The following CEP112 variants were observed in gnomAD, a reference collection of about 807,000 sequenced individuals.
CEP112 encodes centrosomal protein of 112 kDa.
Under a neutral mutation model 153.0 loss-of-function variants are expected in CEP112, and 127 were observed. That is an observed-to-expected ratio of 0.83 (90% CI 0.72 to 0.96). The LOEUF is 0.96. Among genes scored for constraint, CEP112 ranks in the 40% least tolerant of loss-of-function variants. CEP112 has a pLI of 0.00. For synonymous variants in CEP112, 358 were observed against 374.4 expected (o/e 0.96, Z 0.51); for missense variants, 1,089 against 1,101.2 (o/e 0.99, Z 0.16).
At chr17:65,914,775 T>G (rs2060412812) in intron 19 of CEP112, among the ~76,000 whole-genome samples, 1 of 152,218 alleles carries the variant, frequency 6.6e-6, no homozygotes, top group African/African-American at 2.4e-5. Flanking sequence ...TAAAAAAACT[T>G]TCCTTTGACC....
At chr17:65,673,113 G>A (rs1190325289) in intron 24 of CEP112, among the ~76,000 whole-genome samples, 3 of 152,164 alleles carry the variant, frequency 2.0e-5, no homozygotes, top group African/African-American at 7.2e-5. Context: ...CTCTTATCTG[G>A]AGGCTCTGGG....
At chr17:65,936,527 C>G (rs1380106186) in intron 18 of CEP112, among the ~76,000 whole-genome samples, 1 of 152,002 alleles carries the variant, frequency 6.6e-6, no homozygotes, top group Non-Finnish European at 1.5e-5. Flanking sequence ...CAATAAAATA[C>G]TAGCAATAAA....
chr17:65,763,452 T>C (rs900081537), intron 21 of CEP112, among the ~76,000 whole-genome samples: 2 of 151,986 alleles, frequency 1.3e-5, no homozygotes, highest in African/African-American at 4.8e-5. Flanking sequence ...TATGTGTACA[T>C]TACACCTTTT....
chr17:65,674,469 A>G (rs981732129), intron 24 of CEP112, among the ~76,000 whole-genome samples: 1 of 152,208 alleles, frequency 6.6e-6, no homozygotes, highest in African/African-American at 2.4e-5. Flanking sequence ...AAGCTGAACA[A>G]ATCTTTCTTT....
rs2045099336 is a variant in CEP112, at chr17:65,640,952, T to G, written c.2799+12A>C. Reference sequence around the variant, plus strand: ...CTAAATCCTTGGAAAATGCCTTGATTCTAGTAATTACCTGTGATTTTAGGG... The same window carrying G: ...CTAAATCCTTGGAAAATGCCTTGATGCTAGTAATTACCTGTGATTTTAGGG... On this transcript the variant is annotated intron_variant, in intron 25 of 26. Coordinates refer to ENST00000535342, the MANE Select transcript of CEP112 (RefSeq NM_001199165.4). The G allele has an allele frequency of 6.9e-7, 1 of 1,452,932 alleles. No homozygotes were observed. Among genetic ancestry groups the G allele is most frequent in the Admixed American group, 1.7e-5 (1 of 59,546 alleles). The allele number at this position is 1,452,932 out of a possible 1,614,324, so 90.0% of individuals were successfully genotyped here. A position where few individuals can be genotyped will look rare whatever the true frequency, so the allele number is the denominator to read the frequency against.
intron 24 of CEP112, among the ~76,000 whole-genome samples, chr17:65,683,644 G>C (rs532347222): frequency 1.3e-5 from 2 of 152,310 alleles, no homozygotes; most frequent in South Asian, 4.1e-4. Context: ...CCTGGTTAAA[G>C]ATCCTCTCCT....
At chr17:66,091,678 A>G (rs1350335310) in intron 8 of CEP112, among the ~76,000 whole-genome samples, 1 of 152,166 alleles carries the variant, frequency 6.6e-6, no homozygotes, top group African/African-American at 2.4e-5. Flanking sequence ...AGGAAATCAT[A>G]AAGATCAGAG....
At chr17:66,007,818 T>C (rs1261496932) in intron 16 of CEP112, among the ~76,000 whole-genome samples, 1 of 152,198 alleles carries the variant, frequency 6.6e-6, no homozygotes. Context: ...CTTATACATA[T>C]TCACCTCTCC....
At chr17:65,731,621 G>A (rs1386315577) in intron 23 of CEP112, among the ~76,000 whole-genome samples, 1 of 152,184 alleles carries the variant, frequency 6.6e-6, no homozygotes, top group African/African-American at 2.4e-5. Flanking sequence ...AGCATGCGAT[G>A]CTGTTTGATT....
chr17:65,979,286 C>A (rs1328623658), intron 17 of CEP112, among the ~76,000 whole-genome samples: 2 of 151,942 alleles, frequency 1.3e-5, no homozygotes, highest in Non-Finnish European at 2.9e-5. Context: ...CACTCTGTCA[C>A]CCTGGGTGGA....
At chr17:66,120,867 T>TAA (rs761522090) in intron 6 of CEP112, among the ~76,000 whole-genome samples, 143,767 of 151,990 alleles carry the variant, frequency 0.95, 68,084 homozygotes, top group East Asian at 0.98. Flanking sequence ...TACTTTAATC[T>TAA]TTATTATTTC....
chr17:65,764,864 G>T (rs2145432779), intron 21 of CEP112, among the ~76,000 whole-genome samples: 1 of 142,882 alleles, frequency 7.0e-6, no homozygotes, highest in African/African-American at 2.7e-5. Flanking sequence ...TTGCCTTCAT[G>T]ATTTGGTGAT....
chr17:65,679,872 C>T (rs535548614), intron 24 of CEP112, among the ~76,000 whole-genome samples: 150 of 152,292 alleles, frequency 9.8e-4, no homozygotes, highest in African/African-American at 3.2e-3. Context: ...CTAGTTGTAA[C>T]GGTATAACAG....
intron 24 of CEP112, chr17:65,644,446 G>T: frequency 2.3e-6 from 1 of 427,618 alleles, no homozygotes; most frequent in Non-Finnish European, 4.4e-6. Context: ...TTATAATGCA[G>T]TCCTTGAGGA....
chr17:65,669,630 A>G (rs1027448091), intron 24 of CEP112, among the ~76,000 whole-genome samples: 16 of 152,304 alleles, frequency 1.1e-4, no homozygotes, highest in South Asian at 2.1e-4. Context: ...AAGGCCGGGT[A>G]CGGTGGCTCA....
At chr17:65,738,791 C>G (rs2050952946) in intron 23 of CEP112, among the ~76,000 whole-genome samples, 2 of 152,134 alleles carry the variant, frequency 1.3e-5, no homozygotes, top group Non-Finnish European at 2.9e-5. Context: ...ATATTTTCCT[C>G]TTTGTACTAT....
intron 22 of CEP112, among the ~76,000 whole-genome samples, chr17:65,747,213 C>T (rs75258810): frequency 0.026 from 3,897 of 152,240 alleles, 149 homozygotes; most frequent in African/African-American, 0.089. Context: ...ACTTAAGAAG[C>T]CATGCTTAGG....
At chr17:65,812,153 G>A (rs111622900) in intron 21 of CEP112, among the ~76,000 whole-genome samples, 103 of 151,994 alleles carry the variant, frequency 6.8e-4, no homozygotes, top group Non-Finnish European at 1.1e-3. Flanking sequence ...ACAGGCGCCC[G>A]CCACCACGCC....
At chr17:66,152,157 G>A (rs1014330127) in intron 4 of CEP112, among the ~76,000 whole-genome samples, 10 of 152,152 alleles carry the variant, frequency 6.6e-5, no homozygotes, top group Non-Finnish European at 1.5e-4. Flanking sequence ...ATCTTTGTGT[G>A]TAGTGTGCTA....
Sources: allele counts gnomAD v4.1 joint callset (sites outside exome capture counted in the v4.1 genomes callset), GRCh38; gene constraint gnomAD v4.1.1; transcripts MANE v1.5; gene names NCBI Gene and HGNC (gene_info 2026-07-23, HGNC 2026-07-21).